TRDN: variants seen among roughly 807,000 people sequenced by gnomAD.
TRDN encodes the protein triadin.
In TRDN, 161 loss-of-function variants were observed where a neutral mutation model predicts 149.7. The observed-to-expected ratio is 1.08, with a 90% confidence interval of 0.95 to 1.23. TRDN has a LOEUF of 1.23. Among genes scored for constraint, TRDN ranks in the 50% most tolerant of loss-of-function variants. TRDN has a pLI of 0.00. For synonymous variants in TRDN, 294 were observed against 250.5 expected (o/e 1.17, Z -1.64); for missense variants, 896 against 823.5 (o/e 1.09, Z -1.08).
At chr6:123,611,381 T>C (rs1341677841) in intron 1 of TRDN, among the ~76,000 whole-genome samples, 1 of 152,148 alleles carries the variant, frequency 6.6e-6, no homozygotes, top group Non-Finnish European at 1.5e-5. Flanking sequence ...CTGCTTAAGT[T>C]AGAGGGACAT....
intron 26 of TRDN, among the ~76,000 whole-genome samples, 183 bp from the exon 27 acceptor site, chr6:123,274,853 A>G (rs1336198439): frequency 6.6e-6 from 1 of 152,096 alleles, no homozygotes; most frequent in African/African-American, 2.4e-5. Context: ...AGCTTAGGTG[A>G]CAGAGCGAGA....
Position 123,433,309 on chromosome 6 carries a change from C to T in TRDN, c.1051+4754G>A, listed in dbSNP as rs191923806. Among the ~76,000 whole-genome samples, 9 of 151,770 alleles carry T rather than the reference C, an allele frequency of 5.9e-5. No homozygotes were observed. The East Asian group carries it at 7.8e-4, about 13-fold the overall frequency. On this transcript the variant is annotated intron_variant, in intron 12 of 40. Transcript: ENST00000334268. ...CTATTTAAATAACTTCCCACCCCAA[C>T]GCATTATATTCTATCATTGCCTTAA...
chr6:123,340,828 C>A (rs1244787045), intron 21 of TRDN, among the ~76,000 whole-genome samples: 1 of 151,934 alleles, frequency 6.6e-6, no homozygotes, highest in Non-Finnish European at 1.5e-5. Flanking sequence ...TAACTTATAA[C>A]GCACATCATC....
At chr6:123,221,734 T>C (rs2114499150) in intron 39 of TRDN, among the ~76,000 whole-genome samples, 1 of 151,708 alleles carries the variant, frequency 6.6e-6, no homozygotes, top group East Asian at 2.0e-4. Context: ...AGGGAACCCA[T>C]GAAAAAAATG....
intron 24 of TRDN, among the ~76,000 whole-genome samples, chr6:123,285,177 A>G (rs1777754857): frequency 6.6e-6 from 1 of 152,082 alleles, no homozygotes. Flanking sequence ...TCTTCACAGA[A>G]CTAGAAAAAA....
chr6:123,583,417 G>A (rs1470981207), intron 1 of TRDN, among the ~76,000 whole-genome samples: 1 of 152,106 alleles, frequency 6.6e-6, no homozygotes, highest in Non-Finnish European at 1.5e-5. Context: ...CTGAGGACAG[G>A]TCTGACTTCT....
chr6:123,622,369 C>G (rs1338823307), intron 1 of TRDN, among the ~76,000 whole-genome samples: 3 of 151,078 alleles, frequency 2.0e-5, no homozygotes, highest in African/African-American at 7.3e-5. Flanking sequence ...ACACATATAA[C>G]ATACAAAATA....
At chr6:123,375,853 A>G (rs1227075215) in intron 18 of TRDN, among the ~76,000 whole-genome samples, 10 of 152,118 alleles carry the variant, frequency 6.6e-5, no homozygotes, top group Admixed American at 6.6e-4. Flanking sequence ...TTTGTTATTC[A>G]TACTTCTCCC....
chr6:123,366,563 G>T (rs1157072857), intron 19 of TRDN, among the ~76,000 whole-genome samples: 1 of 151,948 alleles, frequency 6.6e-6, no homozygotes, highest in African/African-American at 2.4e-5. Context: ...TGTTGCCCAG[G>T]CTGGAATGCA....
At chr6:123,607,595 C>T (rs1583316828) in intron 1 of TRDN, among the ~76,000 whole-genome samples, 4 of 152,096 alleles carry the variant, frequency 2.6e-5, no homozygotes, top group Admixed American at 2.6e-4. Flanking sequence ...ACAAACATGT[C>T]ATTTGTGTTG....
intron 23 of TRDN, among the ~76,000 whole-genome samples, chr6:123,320,699 C>T (rs1779211990): frequency 6.6e-6 from 1 of 152,084 alleles, no homozygotes; most frequent in Non-Finnish European, 1.5e-5. Context: ...TACATAAAAA[C>T]TGTATAGCAC....
intron 1 of TRDN, among the ~76,000 whole-genome samples, chr6:123,605,300 C>CAT (rs1324208795): frequency 6.8e-6 from 1 of 148,104 alleles, no homozygotes; most frequent in Non-Finnish European, 1.5e-5. Context: ...TAAACACACA[C>CAT]ATATATATAA....
chr6:123,599,762 T>C (rs921080980), intron 1 of TRDN, among the ~76,000 whole-genome samples: 8 of 151,988 alleles, frequency 5.3e-5, no homozygotes, highest in African/African-American at 1.7e-4. Context: ...TTTAGTATTA[T>C]GCAGCTGAAT....
At chr6:123,584,664 G>C (rs958398445) in intron 1 of TRDN, among the ~76,000 whole-genome samples, 1 of 152,128 alleles carries the variant, frequency 6.6e-6, no homozygotes, top group Non-Finnish European at 1.5e-5. Flanking sequence ...GAAGCCTTGC[G>C]GCAGTACAGC....
At chr6:123,534,685 T>C (rs1346988804) in intron 4 of TRDN, among the ~76,000 whole-genome samples, 1 of 152,196 alleles carries the variant, frequency 6.6e-6, no homozygotes, top group Non-Finnish European at 1.5e-5. Context: ...AAGGTAGAAA[T>C]TTATTGTCCA....
chr6:123,253,409 A>C (rs907960877), intron 37 of TRDN, among the ~76,000 whole-genome samples: 1 of 152,124 alleles, frequency 6.6e-6, no homozygotes, highest in Non-Finnish European at 1.5e-5. Context: ...AATTTTATAA[A>C]AATTAGGTTA....
At chr6:123,397,384 A>G (rs1772776966) in intron 12 of TRDN, among the ~76,000 whole-genome samples, 2 of 152,168 alleles carry the variant, frequency 1.3e-5, no homozygotes, top group Admixed American at 1.3e-4. Context: ...ATGTGAAATC[A>G]TATAATTATT....
intron 12 of TRDN, among the ~76,000 whole-genome samples, chr6:123,432,416 A>T (rs1583011957): frequency 6.8e-6 from 1 of 147,644 alleles, no homozygotes; most frequent in South Asian, 2.2e-4. Context: ...ATATCACAGC[A>T]CCTGTGGTAT....
chr6:123,433,348 A>G (rs1443168047), intron 12 of TRDN, among the ~76,000 whole-genome samples: 1 of 151,622 alleles, frequency 6.6e-6, no homozygotes, highest in African/African-American at 2.4e-5. Flanking sequence ...TATTTTCTCC[A>G]CTGCCCTTAC....
Sources: allele counts gnomAD v4.1 joint callset (sites outside exome capture counted in the v4.1 genomes callset), GRCh38; gene constraint gnomAD v4.1.1; transcripts MANE v1.5; gene names NCBI Gene and HGNC (gene_info 2026-07-23, HGNC 2026-07-21).